The following CTDSP2 variants were observed in gnomAD, a reference collection of about 807,000 sequenced individuals.
CTDSP2 encodes carboxy-terminal domain RNA polymerase II polypeptide A small phosphatase 2.
Under a neutral mutation model 31.6 loss-of-function variants are expected in CTDSP2, and 9 were observed. The observed-to-expected ratio is 0.28, with a 90% confidence interval of 0.17 to 0.50. CTDSP2 has a LOEUF of 0.50. Among genes scored for constraint, CTDSP2 ranks in the 20% least tolerant of loss-of-function variants. The probability of loss-of-function intolerance (pLI) is 0.98; values close to 1 mark genes in which losing one functional copy is unlikely to be tolerated. For missense variants in CTDSP2, 267 were observed against 348.5 expected, an observed-to-expected ratio of 0.77 and a Z score of 1.86; for synonymous variants, 134 against 134.5, an observed-to-expected ratio of 1.00 and a Z score of 0.03.
chr12:57,839,167 C>A (rs372381171), intron 1 of CTDSP2, among the ~76,000 whole-genome samples: 1 of 152,186 alleles, frequency 6.6e-6, no homozygotes, highest in Non-Finnish European at 1.5e-5. Flanking sequence ...CTGCTCCCCC[C>A]ACACCCCTCA....
rs1276125628 is a variant in CTDSP2 at position 57,829,620 on chromosome 12, G to T, written c.65-24C>A. On this transcript the variant is annotated intron_variant, in intron 1 of 7. Transcript: ENST00000398073. The stretch of plus-strand genomic sequence containing the variant: ...GCCTAGGGTGGAGAGAATGACAGAG[G>T]CTTTAGCTCTAGGGACATCAGTTTC... 3 of 1,609,968 alleles carry T rather than the reference G, an allele frequency of 1.9e-6. No homozygotes were observed. The East Asian group carries it at 6.7e-5, about 36-fold the overall frequency.
intron 1 of CTDSP2, among the ~76,000 whole-genome samples, chr12:57,831,246 A>C (rs1251511785): frequency 3.9e-5 from 6 of 151,988 alleles, no homozygotes; most frequent in Non-Finnish European, 7.4e-5. Context: ...ACTTGAGGTC[A>C]GGAGTTTGAA....
At chr12:57,845,729 C>CG (rs975077950) in intron 1 of CTDSP2, among the ~76,000 whole-genome samples, 7 of 152,026 alleles carry the variant, frequency 4.6e-5, no homozygotes, top group African/African-American at 1.7e-4. Context: ...CAGAGGCAGC[C>CG]GGGAGGGAGC....
rs1956153228 is a variant in CTDSP2 at position 57,822,518 on chromosome 12, G to A, written c.*1084C>T. The A allele has an allele frequency of 1.3e-5, 2 of 152,510 alleles. No individual in the cohort carries two copies. Among genetic ancestry groups the A allele is most frequent in the Admixed American group, 1.3e-4 (2 of 15,312 alleles). The allele number at this position is 152,510 out of a possible 1,614,324, so 9.4% of individuals were successfully genotyped here. ...GAGCTCGGTACAGGACAGGCCCTGG[G>A]GGAAGACACAACAGGAAAAGAGCCC... On this transcript the variant is annotated 3_prime_UTR_variant, in exon 8 of 8. Transcript: ENST00000398073.
At chr12:57,836,173 G>A (rs1956246509) in intron 1 of CTDSP2, among the ~76,000 whole-genome samples, 1 of 152,154 alleles carries the variant, frequency 6.6e-6, no homozygotes, top group Non-Finnish European at 1.5e-5. Context: ...GCAGGTTTCA[G>A]AAAGTCAAAA....
In CTDSP2 at chr12:57,823,366, C is replaced by T. The variant is rs2140472017; in HGVS notation, c.*236G>A. On this transcript the variant is annotated 3_prime_UTR_variant, in exon 8 of 8. Transcript: ENST00000398073. The stretch of plus-strand genomic sequence containing the variant: ...GGCAAAACACACACACAAACACACA[C>T]TCTCTCACAGTCAAACACACATCTC... The T allele has an allele frequency of 7.2e-6, 4 of 556,582 alleles. No individual in the cohort carries two copies. The highest frequency in any genetic ancestry group is 1.3e-5 in the Non-Finnish European group (4 of 309,322). 34.5% of individuals were successfully genotyped at this position (556,582 alleles called of 1,614,324 possible). A position where few individuals can be genotyped will look rare whatever the true frequency, so the allele number is the denominator to read the frequency against.
intron 1 of CTDSP2, among the ~76,000 whole-genome samples, chr12:57,834,690 G>A (rs1956236066): frequency 6.6e-6 from 1 of 152,202 alleles, no homozygotes; most frequent in Non-Finnish European, 1.5e-5. Flanking sequence ...TCAGCATTGT[G>A]TCCTTGACAG....
chr12:57,846,046 C>G (rs563824344), intron 1 of CTDSP2, among the ~76,000 whole-genome samples: 2 of 152,336 alleles, frequency 1.3e-5, no homozygotes, highest in East Asian at 3.9e-4. Flanking sequence ...ACGACCCCAC[C>G]CCCAACTCCG....
rs74617147 is a variant in CTDSP2, at chr12:57,823,438, G to A, written c.*164C>T. ...TCTGGGTATCATTGGTCTGGCATTC[G>A]CCCACTCGGCATCTAAGCTGTCCTA... On this transcript the variant is annotated 3_prime_UTR_variant, in exon 8 of 8. Coordinates refer to ENST00000398073, the MANE Select transcript of CTDSP2 (RefSeq NM_005730.4). 92 of 731,936 alleles carry A rather than the reference G, an allele frequency of 1.3e-4. No homozygotes were observed. In the African/African-American group the frequency reaches 1.4e-3, roughly 12 times the overall value. The allele number at this position is 731,936 out of a possible 1,614,324, so 45.3% of individuals were successfully genotyped here. A position where few individuals can be genotyped will look rare whatever the true frequency, so the allele number is the denominator to read the frequency against.
chr12:57,826,006 G>T (rs1190799419), intron 5 of CTDSP2, among the ~76,000 whole-genome samples: 1 of 152,218 alleles, frequency 6.6e-6, no homozygotes. Context: ...ACAGAGAAAT[G>T]TAATAAATCA....
chr12:57,839,403 T>G (rs1006282945), intron 1 of CTDSP2, among the ~76,000 whole-genome samples: 1 of 152,120 alleles, frequency 6.6e-6, no homozygotes, highest in Non-Finnish European at 1.5e-5. Flanking sequence ...ACCTGAATCA[T>G]GAACTCAAAA....
rs894485536 is a variant in CTDSP2 at position 57,829,586 on chromosome 12, G to A, written c.75C>T (p.Ser25=). The change falls in exon 2 of 8, where the codon TCC becomes TCT. Residue 25 remains serine, a synonymous_variant. Coordinates refer to ENST00000398073, the MANE Select transcript of CTDSP2 (RefSeq NM_005730.4). The part of the protein sequence containing the change: ...ALVLTKQGLV[S]KSSPKKPRGR... ...CACGAGGCTTCTTAGGAGAGGACTT[G>A]GAGACCAGGCCTAGGGTGGAGAGAA... 6.2e-6 allele frequency: 10 copies of A among 1,613,992 alleles called. No homozygotes were observed. The highest frequency in any genetic ancestry group is 1.7e-5 in the Admixed American group (1 of 60,002).
At position 57,823,980 on chromosome 12, in the gene CTDSP2, C is replaced by T. The variant is rs796989809; in HGVS notation, c.614G>A (p.Arg205His). The part of the protein sequence containing the change: ...HQGCYVKDLS[R>H]LGRDLRKTLI... ...GGTCTTTCTCAGGTCCCTCCCCAGG[C>T]GGCTGAGGTCCTTGACGTAGCAGCC... The change falls in exon 7 of 8, where the codon CGC becomes CAC. Residue 205 changes from arginine (R) to histidine (H), a missense_variant. Transcript: ENST00000398073. 2 of 1,614,020 alleles carry T rather than the reference C, an allele frequency of 1.2e-6. No homozygotes were observed. Among genetic ancestry groups the T allele is most frequent in the Non-Finnish European group, 8.5e-7 (1 of 1,180,026 alleles).
chr12:57,822,484 G>A lies in CTDSP2; in HGVS notation c.*1118C>T, dbSNP rs531237669. On this transcript the variant is annotated 3_prime_UTR_variant, in exon 8 of 8. Coordinates refer to ENST00000398073, the MANE Select transcript of CTDSP2 (RefSeq NM_005730.4). ...CAACAGCCAGGAAGGATGAAGGCTG[G>A]AACAGACAGAGCTCGGTACAGGACA... 6.6e-6 allele frequency: 1 copy of A among 152,388 alleles called. No homozygotes were observed. Among genetic ancestry groups the A allele is most frequent in the East Asian group, 1.9e-4 (1 of 5,202 alleles). The allele number at this position is 152,388 out of a possible 1,614,324, so 9.4% of individuals were successfully genotyped here.
Position 57,823,288 on chromosome 12 carries a change from G to C in CTDSP2, c.*314C>G. On this transcript the variant is annotated 3_prime_UTR_variant, in exon 8 of 8. Transcript: ENST00000398073. The stretch of plus-strand genomic sequence containing the variant: ...GACAAGCTAACTTGGGAAGAGTCTT[G>C]GTCTTTCAGCTTCTCCCCCACTGAA... 2.6e-6 allele frequency: 1 copy of C among 382,052 alleles called. No individual in the cohort carries two copies. Among genetic ancestry groups the C allele is most frequent in the Non-Finnish European group, 5.0e-6 (1 of 201,576 alleles). 23.7% of individuals were successfully genotyped at this position (382,052 alleles called of 1,614,324 possible). A position where few individuals can be genotyped will look rare whatever the true frequency, so the allele number is the denominator to read the frequency against.
At position 57,841,348 on chromosome 12, in the gene CTDSP2, CCT is replaced by C. The variant is rs374141188; in HGVS notation, c.64+5022_64+5023del. Among the ~76,000 whole-genome samples the C allele has an allele frequency of 2.2e-3, 329 of 152,296 alleles. 1 individual carries two copies. The highest frequency in any genetic ancestry group is 7.3e-3 in the African/African-American group (304 of 41,556). ...CTTCAAACCCCATTTTCTTTTTCCC[CCT>C]CTTATTAAAATTACCTAAAAGAAAC... On this transcript the variant is annotated intron_variant, in intron 1 of 7. Transcript: ENST00000398073.
At chr12:57,834,040 T>C in intron 1 of CTDSP2, among the ~76,000 whole-genome samples, 1 of 152,244 alleles carries the variant, frequency 6.6e-6, no homozygotes, top group East Asian at 1.9e-4. Flanking sequence ...GAGCCAGGAT[T>C]TGAACTCAGA....
chr12:57,839,997 A>G (rs374761593), intron 1 of CTDSP2, among the ~76,000 whole-genome samples: 1 of 152,018 alleles, frequency 6.6e-6, no homozygotes, highest in Admixed American at 6.5e-5. Context: ...CTGTCCATTT[A>G]CTCTGAAAAC....
At chr12:57,826,466 C>A in intron 4 of CTDSP2, 64 bp from the exon 5 acceptor site, 1 of 1,504,642 alleles carries the variant, frequency 6.6e-7, no homozygotes. Context: ...CCCCACCATA[C>A]CCCTAGGTGG....
Sources: gnomAD v4.1 joint callset for allele counts (sites outside exome capture counted in the v4.1 genomes callset) on GRCh38, gnomAD v4.1.1 for gene constraint, MANE v1.5 for transcripts, NCBI Gene and HGNC (gene_info 2026-07-23, HGNC 2026-07-21) for gene names.